C6: variants seen among roughly 807,000 people sequenced by gnomAD.
C6 encodes the protein complement C6, also known as complement component C6.
Under a neutral mutation model 112.9 loss-of-function variants are expected in C6, and 101 were observed. The observed-to-expected ratio is 0.89, with a 90% CI of 0.76 to 1.06. The LOEUF is 1.06. Ranked by LOEUF, C6 falls within the 50% of genes least tolerant of loss-of-function variation. C6 has a pLI of 0.00. For missense variants in C6, 1,202 were observed against 1,104.6 expected, an observed-to-expected ratio of 1.09 and a Z score of -1.25; for synonymous variants, 431 against 384.1, an observed-to-expected ratio of 1.12 and a Z score of -1.43.
chr5:41,144,664 G>T (rs777099833), intron 17 of C6, among the ~76,000 whole-genome samples: 2 of 152,114 alleles, frequency 1.3e-5, no homozygotes, highest in Non-Finnish European at 2.9e-5. Flanking sequence ...TAAGGGTTTG[G>T]TGTACAGATT....
At chr5:41,199,974 G>T (rs1750888501) in intron 3 of C6, 62 bp from the exon 4 acceptor site, 3 of 1,514,642 alleles carry the variant, frequency 2.0e-6, no homozygotes, top group South Asian at 2.3e-5. Flanking sequence ...ATGTACCTAA[G>T]AAAACTGGGC....
chr5:41,246,498 T>C (rs1403687516), intron 1 of C6, among the ~76,000 whole-genome samples: 2 of 152,174 alleles, frequency 1.3e-5, no homozygotes, highest in African/African-American at 4.8e-5. Context: ...CAAAGTAATC[T>C]TCAGGTGCAA....
At chr5:41,210,832 T>C (rs567945676) in intron 1 of C6, among the ~76,000 whole-genome samples, 1 of 152,308 alleles carries the variant, frequency 6.6e-6, no homozygotes, top group Admixed American at 6.5e-5. Flanking sequence ...AGTGTGGTGA[T>C]TCCTCCAGGA....
chr5:41,246,793 A>T (rs1363835649), intron 1 of C6, among the ~76,000 whole-genome samples: 2 of 152,222 alleles, frequency 1.3e-5, no homozygotes, highest in African/African-American at 4.8e-5. Flanking sequence ...AACTTACTTG[A>T]TGAGGACTAA....
chr5:41,237,239 C>T (rs1414068679), intron 1 of C6, among the ~76,000 whole-genome samples: 1 of 128,398 alleles, frequency 7.8e-6, no homozygotes, highest in Non-Finnish European at 1.6e-5. Flanking sequence ...AGGCCAGCAT[C>T]ATTCTGATAC....
chr5:41,196,972 C>T (rs1022137326), intron 4 of C6, among the ~76,000 whole-genome samples: 4 of 151,996 alleles, frequency 2.6e-5, no homozygotes, highest in African/African-American at 9.7e-5. Flanking sequence ...GCATCTGTAC[C>T]AGTATGTACA....
chr5:41,181,421 T>A lies in C6; in HGVS notation c.865A>T (p.Arg289Ter). Residue 289 changes from arginine (R) to a stop codon, truncating the protein, a stop_gained, in exon 7 of 18, where the codon AGA (arginine) becomes TGA (stop). Coordinates refer to ENST00000337836, the MANE Select transcript of C6 (RefSeq NM_000065.5). LOFTEE classifies it high-confidence loss of function. ...FSVPIFYSSKRSENINHNSAF... is the reference protein window; with the variant it reads ...FSVPIFYSSK ...GAATTATGGTTGATATTTTCACTTC[T>A]CTTTGAGGAATAAAAAATTGGTACA... is the stretch of plus-strand genomic sequence containing the variant. 1 of 1,613,830 alleles carries A rather than the reference T, an allele frequency of 6.2e-7. No homozygotes were observed. Among genetic ancestry groups the A allele is most frequent in the Non-Finnish European group, 8.5e-7 (1 of 1,179,836 alleles).
At chr5:41,188,165 T>C (rs1353232659) in intron 5 of C6, among the ~76,000 whole-genome samples, 4 of 152,100 alleles carry the variant, frequency 2.6e-5, no homozygotes, top group Non-Finnish European at 4.4e-5. Context: ...TCCATATTAG[T>C]GGATTGGCAG....
intron 8 of C6, among the ~76,000 whole-genome samples, chr5:41,173,371 T>A (rs915217121): frequency 3.3e-5 from 5 of 152,192 alleles, no homozygotes; most frequent in African/African-American, 1.2e-4. Flanking sequence ...TGTGTGTTAG[T>A]GGAAGAGTGC....
intron 17 of C6, 115 bp from the exon 18 acceptor site, chr5:41,143,121 T>A: frequency 1.1e-6 from 1 of 890,696 alleles, no homozygotes; most frequent in Non-Finnish European, 1.8e-6. Flanking sequence ...AAGTTTGGTC[T>A]AAAGCTTTCT....
intron 6 of C6, among the ~76,000 whole-genome samples, chr5:41,184,507 T>G (rs973389787): frequency 1.2e-4 from 18 of 151,928 alleles, no homozygotes; most frequent in African/African-American, 4.1e-4. Flanking sequence ...AGTCTCACTC[T>G]GTCGCCCAGG....
chr5:41,170,011 G>A (rs766374985), intron 9 of C6, among the ~76,000 whole-genome samples: 3 of 152,138 alleles, frequency 2.0e-5, no homozygotes, highest in Admixed American at 6.5e-5. Flanking sequence ...ACTTAATACT[G>A]TATTTCTAGA....
chr5:41,191,067 C>CTTTTTTTTTTTTTTTTTT (rs142519688), intron 5 of C6, among the ~76,000 whole-genome samples: 3 of 84,756 alleles, frequency 3.5e-5, no homozygotes, highest in African/African-American at 1.0e-4. Flanking sequence ...ATGCCTTTGG[C>CTTTTTTTTTTTTTTTTTT]TTTTTTTTTT....
At chr5:41,259,211 T>G (rs1396237502) in intron 1 of C6, among the ~76,000 whole-genome samples, 1 of 152,218 alleles carries the variant, frequency 6.6e-6, no homozygotes, top group Non-Finnish European at 1.5e-5. Flanking sequence ...TCAAAATGAT[T>G]AAATCAAATG....
At chr5:41,191,233 A>C (rs2150345204) in intron 5 of C6, among the ~76,000 whole-genome samples, 1 of 151,680 alleles carries the variant, frequency 6.6e-6, no homozygotes. Context: ...CGCCTGGCTA[A>C]TTTTTGTATT....
chr5:41,255,877 C>A (rs910078618), intron 1 of C6, among the ~76,000 whole-genome samples: 4 of 152,038 alleles, frequency 2.6e-5, no homozygotes, highest in Non-Finnish European at 4.4e-5. Context: ...GAATAGTTCC[C>A]AGGTAAGGCA....
chr5:41,155,969 T>C (rs1746864441), intron 13 of C6, among the ~76,000 whole-genome samples: 1 of 152,130 alleles, frequency 6.6e-6, no homozygotes, highest in Non-Finnish European at 1.5e-5. Flanking sequence ...TAGTAACCCA[T>C]TGGTCATTAT....
rs1167933473 is a variant in C6, at chr5:41,181,507, G to T, written c.779C>A (p.Ser260Tyr). ...LKTDFYKDLT[S>Y]LGHNENQQGS... ...TTGTTGATTTTCATTGTGTCCAAGA[G>T]AAGTTAAATCCTTGTAGAAATCTGT... The change falls in exon 7 of 18, where the codon TCT (serine) becomes TAT (tyrosine). Residue 260 changes from serine to tyrosine, a missense_variant. Transcript: ENST00000337836. 4.3e-6 allele frequency: 7 copies of T among 1,613,752 alleles called. No homozygotes were observed. The highest frequency in any genetic ancestry group is 5.9e-6 in the Non-Finnish European group (7 of 1,179,812).
intron 15 of C6, among the ~76,000 whole-genome samples, chr5:41,151,946 G>T (rs1364592414): frequency 2.0e-5 from 3 of 151,820 alleles, no homozygotes; most frequent in Non-Finnish European, 4.4e-5. Flanking sequence ...GTGGAGAAAT[G>T]CAGCTCCTAA....
Sources: gnomAD v4.1 joint callset for allele counts (sites outside exome capture counted in the v4.1 genomes callset) on GRCh38, gnomAD v4.1.1 for gene constraint, MANE v1.5 for transcripts, NCBI Gene and HGNC (gene_info 2026-07-23, HGNC 2026-07-21) for gene names.